CRHR1: variants seen among roughly 807,000 people sequenced by gnomAD.
The protein encoded by CRHR1 is corticotropin releasing hormone receptor 1, also known as corticotropin-releasing hormone receptor 1.
CRHR1 carries 28 observed loss-of-function variants against 56.0 expected under a neutral mutation model. The observed-to-expected ratio is 0.50, with a 90% CI of 0.37 to 0.69. The LOEUF (loss-of-function observed/expected upper bound fraction) is 0.69, where lower values mean the gene tolerates loss of function less well. Ranked by LOEUF, CRHR1 falls within the 30% of genes least tolerant of loss-of-function variation. The pLI, the probability that CRHR1 is intolerant of heterozygous loss-of-function variation, is 0.00. For synonymous variants in CRHR1, 195 were observed against 216.5 expected, an observed-to-expected ratio of 0.90 and a Z score of 0.87; for missense variants, 376 against 548.0, an observed-to-expected ratio of 0.69 and a Z score of 3.13.
At chr17:45,813,765 G>A (rs2061871798) in intron 2 of CRHR1, among the ~76,000 whole-genome samples, 1 of 152,246 alleles carries the variant, frequency 6.6e-6, no homozygotes, top group African/African-American at 2.4e-5. Flanking sequence ...TTTGGCCTCA[G>A]TTTTCTTATC....
At chr17:45,797,343 T>C (rs1436143213) in intron 1 of CRHR1, among the ~76,000 whole-genome samples, 1 of 138,738 alleles carries the variant, frequency 7.2e-6, no homozygotes. Context: ...CAGGCTGGAG[T>C]GCAGTGGCAC....
At chr17:45,785,994 T>TGGGACG (rs1392530293) in intron 1 of CRHR1, among the ~76,000 whole-genome samples, 25 of 152,168 alleles carry the variant, frequency 1.6e-4, no homozygotes, top group Non-Finnish European at 3.1e-4. Context: ...AGAGGTCGAG[T>TGGGACG]AGTTGGCACT....
At chr17:45,792,464 C>G (rs138059185) in intron 1 of CRHR1, among the ~76,000 whole-genome samples, 1 of 152,276 alleles carries the variant, frequency 6.6e-6, no homozygotes, top group East Asian at 1.9e-4. Context: ...TAATCTCTTG[C>G]TCCTCACTCC....
At chr17:45,827,369 C>T (rs555027137) in intron 4 of CRHR1, among the ~76,000 whole-genome samples, 2 of 152,360 alleles carry the variant, frequency 1.3e-5, no homozygotes, top group Non-Finnish European at 2.9e-5. Context: ...GTGCCATGCT[C>T]GGCTCCACAC....
At chr17:45,810,314 G>A (rs2061798290) in intron 2 of CRHR1, among the ~76,000 whole-genome samples, 1 of 152,030 alleles carries the variant, frequency 6.6e-6, no homozygotes, top group African/African-American at 2.4e-5. Context: ...AATAGCTAAT[G>A]TTTATTTAGT....
intron 8 of CRHR1, among the ~76,000 whole-genome samples, chr17:45,832,363 A>G (rs182251569): frequency 7.2e-4 from 109 of 152,364 alleles, no homozygotes; most frequent in African/African-American, 2.5e-3. Flanking sequence ...GAAACCAGAA[A>G]CGAACTTGCA....
At chr17:45,810,033 G>T (rs891608910) in intron 2 of CRHR1, among the ~76,000 whole-genome samples, 2 of 152,118 alleles carry the variant, frequency 1.3e-5, no homozygotes, top group Non-Finnish European at 2.9e-5. Flanking sequence ...TAATCCCAGC[G>T]CTTTGGGAGG....
intron 2 of CRHR1, among the ~76,000 whole-genome samples, chr17:45,810,017 C>T (rs1002759669): frequency 1.3e-5 from 2 of 152,174 alleles, no homozygotes; most frequent in Admixed American, 6.5e-5. Flanking sequence ...CGGTGGCTCA[C>T]GCCTGTAATC....
intron 1 of CRHR1, among the ~76,000 whole-genome samples, chr17:45,791,019 G>T (rs978193071): frequency 6.6e-6 from 1 of 152,184 alleles, no homozygotes; most frequent in Admixed American, 6.5e-5. Flanking sequence ...AGTGATGGCC[G>T]CAGCATTGCC....
At chr17:45,813,248 C>T (rs1170501400) in intron 2 of CRHR1, among the ~76,000 whole-genome samples, 1 of 152,192 alleles carries the variant, frequency 6.6e-6, no homozygotes, top group Non-Finnish European at 1.5e-5. Flanking sequence ...TCCTCTAGGT[C>T]CCCTCCCTTC....
intron 1 of CRHR1, among the ~76,000 whole-genome samples, chr17:45,805,101 G>A (rs1379153348): frequency 6.6e-6 from 1 of 152,042 alleles, no homozygotes; most frequent in Non-Finnish European, 1.5e-5. Context: ...ACTGCACCCG[G>A]CCATGATAGA....
intron 8 of CRHR1, 128 bp from the exon 9 acceptor site, chr17:45,833,010 G>C (rs2062349272): frequency 2.6e-6 from 2 of 781,126 alleles, no homozygotes; most frequent in South Asian, 3.0e-5. Flanking sequence ...CTTCTGCCAG[G>C]GTTGGAATTG....
At chr17:45,810,674 G>A (rs543333937) in intron 2 of CRHR1, among the ~76,000 whole-genome samples, 10 of 152,216 alleles carry the variant, frequency 6.6e-5, no homozygotes, top group East Asian at 1.9e-4. Flanking sequence ...CATGCCTCCC[G>A]TATGCCTGGC....
intron 1 of CRHR1, among the ~76,000 whole-genome samples, chr17:45,792,977 A>G (rs988618486): frequency 6.6e-6 from 1 of 152,240 alleles, no homozygotes; most frequent in African/African-American, 2.4e-5. Context: ...TTAGTCCAGA[A>G]CTGTGCACAC....
At chr17:45,832,069 C>A (rs111680085) in intron 8 of CRHR1, among the ~76,000 whole-genome samples, 4 of 150,646 alleles carry the variant, frequency 2.7e-5, no homozygotes, top group South Asian at 2.1e-4. Flanking sequence ...AAAAAAAAAA[C>A]AAAAAAACAA....
chr17:45,786,130 T>TTC (rs1041535795), intron 1 of CRHR1, among the ~76,000 whole-genome samples: 20 of 151,386 alleles, frequency 1.3e-4, no homozygotes, highest in Admixed American at 3.9e-4. Context: ...TTCTTTTCTT[T>TTC]TTTTTTTTTT....
At chr17:45,803,475 C>T (rs1196238084) in intron 1 of CRHR1, among the ~76,000 whole-genome samples, 2 of 152,124 alleles carry the variant, frequency 1.3e-5, no homozygotes, top group African/African-American at 4.8e-5. Flanking sequence ...CAACCTCCAC[C>T]TCCTGGGTTC....
At chr17:45,799,716 T>C (rs2061585730) in intron 1 of CRHR1, 1 of 151,848 alleles carries the variant, frequency 6.6e-6, no homozygotes, top group Admixed American at 6.6e-5. Context: ...TCCGCCAGAG[T>C]CTCCCAGGCC....
At chr17:45,833,650 G>A in intron 10 of CRHR1, 64 bp from the exon 11 acceptor site, 1 of 1,603,724 alleles carries the variant, frequency 6.2e-7, no homozygotes, top group Non-Finnish European at 8.5e-7. Context: ...TCTTTGCCGA[G>A]CCAGCGGGCA....
Sources: gnomAD v4.1 joint callset for allele counts (sites outside exome capture counted in the v4.1 genomes callset) on GRCh38, gnomAD v4.1.1 for gene constraint, MANE v1.5 for transcripts, NCBI Gene and HGNC (gene_info 2026-07-23, HGNC 2026-07-21) for gene names.